Variants in SLC9A9 observed in about 807,000 individuals in gnomAD.
SLC9A9 encodes solute carrier family 9 member A9.
SLC9A9 carries 62 observed loss-of-function variants against 77.8 expected under a neutral mutation model. The observed-to-expected ratio is 0.80, with a 90% CI of 0.65 to 0.98. The LOEUF (loss-of-function observed/expected upper bound fraction) is 0.98, where lower values mean the gene tolerates loss of function less well. Ranked by LOEUF, SLC9A9 falls within the 50% of genes least tolerant of loss-of-function variation. SLC9A9 has a pLI of 0.00. For missense variants in SLC9A9, 775 were observed against 774.9 expected (o/e 1.00, Z 0.00); for synonymous variants, 320 against 283.5 (o/e 1.13, Z -1.29).
chr3:143,588,396 A>G (rs1027625793), intron 6 of SLC9A9, among the ~76,000 whole-genome samples: 4 of 152,306 alleles, frequency 2.6e-5, no homozygotes, highest in East Asian at 1.9e-4. Flanking sequence ...GAGGATGCAG[A>G]TGATTTAGGT....
intron 14 of SLC9A9, among the ~76,000 whole-genome samples, chr3:143,322,067 G>A (rs2031439725): frequency 6.6e-6 from 1 of 152,338 alleles, no homozygotes; most frequent in South Asian, 2.1e-4. Context: ...AGACAGTGGA[G>A]TCCTGACCTT....
intron 9 of SLC9A9, among the ~76,000 whole-genome samples, chr3:143,527,019 CTTATT>C: frequency 6.6e-6 from 1 of 152,262 alleles, no homozygotes; most frequent in East Asian, 1.9e-4. Flanking sequence ...GAGCTCTATT[CTTATT>C]TTAAAGTAAG....
chr3:143,832,665 G>A (rs2009466481), intron 1 of SLC9A9, among the ~76,000 whole-genome samples: 1 of 151,800 alleles, frequency 6.6e-6, no homozygotes, highest in Admixed American at 6.6e-5. Context: ...GTTGGGGTGA[G>A]AGGTGTTCTT....
At chr3:143,626,214 C>T (rs2038323723) in intron 6 of SLC9A9, among the ~76,000 whole-genome samples, 1 of 152,216 alleles carries the variant, frequency 6.6e-6, no homozygotes, top group Non-Finnish European at 1.5e-5. Context: ...GTGGCGATTC[C>T]TCAGGGATCT....
chr3:143,662,205 G>T (rs2108756802), intron 5 of SLC9A9, among the ~76,000 whole-genome samples: 1 of 152,320 alleles, frequency 6.6e-6, no homozygotes, highest in South Asian at 2.1e-4. Flanking sequence ...AGATACTGCA[G>T]CATAAACTAG....
intron 14 of SLC9A9, among the ~76,000 whole-genome samples, chr3:143,317,930 T>C (rs149665751): frequency 0.018 from 2,797 of 152,230 alleles, 26 homozygotes; most frequent in Middle Eastern, 0.058. Context: ...GGTTTCACCG[T>C]GTTAGCCAGG....
intron 10 of SLC9A9, among the ~76,000 whole-genome samples, chr3:143,494,388 T>A (rs2035799280): frequency 6.6e-6 from 1 of 152,260 alleles, no homozygotes; most frequent in Non-Finnish European, 1.5e-5. Context: ...CCTTCCCCGA[T>A]GGGCTATTCT....
intron 14 of SLC9A9, among the ~76,000 whole-genome samples, chr3:143,300,978 C>T (rs1013834893): frequency 2.0e-4 from 31 of 152,190 alleles, no homozygotes. Context: ...TTAACATCTG[C>T]ATTCAGGAAG....
chr3:143,476,045 C>G (rs545362426), intron 11 of SLC9A9, among the ~76,000 whole-genome samples: 48 of 120,098 alleles, frequency 4.0e-4, no homozygotes, highest in African/African-American at 1.2e-3. Flanking sequence ...AAATCAAACC[C>G]TGGTTTGGGT....
chr3:143,503,887 G>C, intron 9 of SLC9A9: 1 of 367,498 alleles, frequency 2.7e-6, no homozygotes, highest in Non-Finnish European at 5.3e-6. Context: ...TCATGAACAT[G>C]GGGGCATCAG....
At chr3:143,730,297 C>G (rs1268491630) in intron 4 of SLC9A9, among the ~76,000 whole-genome samples, 1 of 152,212 alleles carries the variant, frequency 6.6e-6, no homozygotes, top group African/African-American at 2.4e-5. Flanking sequence ...TCCTCAAACC[C>G]AACTTCTCCT....
At chr3:143,273,068 T>TTTG (rs1255285667) in intron 14 of SLC9A9, among the ~76,000 whole-genome samples, 1 of 152,262 alleles carries the variant, frequency 6.6e-6, no homozygotes, top group Non-Finnish European at 1.5e-5. Context: ...TGATTGATCT[T>TTTG]TTGTTGTTGT....
At chr3:143,773,892 C>T (rs758064535) in intron 4 of SLC9A9, among the ~76,000 whole-genome samples, 5 of 152,192 alleles carry the variant, frequency 3.3e-5, no homozygotes, top group Non-Finnish European at 5.9e-5. Flanking sequence ...AGGTTCATTG[C>T]ATCCCTGTCT....
At chr3:143,516,564 T>C (rs1448173000) in intron 9 of SLC9A9, among the ~76,000 whole-genome samples, 2 of 152,206 alleles carry the variant, frequency 1.3e-5, no homozygotes, top group Admixed American at 6.5e-5. Flanking sequence ...GCTTTTATCG[T>C]ATTTATTTTA....
At chr3:143,808,480 G>A (rs2008781995) in intron 2 of SLC9A9, among the ~76,000 whole-genome samples, 1 of 152,090 alleles carries the variant, frequency 6.6e-6, no homozygotes, top group South Asian at 2.1e-4. Flanking sequence ...TTGACTTTTG[G>A]TGTACAAAGC....
At chr3:143,498,812 T>C (rs1401552901) in intron 9 of SLC9A9, among the ~76,000 whole-genome samples, 1 of 152,162 alleles carries the variant, frequency 6.6e-6, no homozygotes, top group African/African-American at 2.4e-5. Flanking sequence ...TGAATGGAAT[T>C]GGACAATACA....
chr3:143,746,580 G>A (rs1172987465), intron 4 of SLC9A9, among the ~76,000 whole-genome samples: 1 of 152,110 alleles, frequency 6.6e-6, no homozygotes, highest in African/African-American at 2.4e-5. Context: ...TTAGAGTTTA[G>A]TTGAAAAGAT....
At chr3:143,310,449 C>T (rs2030974040) in intron 14 of SLC9A9, among the ~76,000 whole-genome samples, 1 of 149,260 alleles carries the variant, frequency 6.7e-6, no homozygotes, top group Middle Eastern at 3.4e-3. Context: ...GGTGTCAGAC[C>T]AACATGAGAG....
intron 11 of SLC9A9, among the ~76,000 whole-genome samples, chr3:143,474,163 A>G (rs1040949589): frequency 2.0e-5 from 3 of 152,174 alleles, no homozygotes; most frequent in African/African-American, 7.2e-5. Flanking sequence ...AGGCAGGCCA[A>G]TGCCTGGTGT....
Sources: allele counts gnomAD v4.1 joint callset (sites outside exome capture counted in the v4.1 genomes callset), GRCh38; gene constraint gnomAD v4.1.1; transcripts MANE v1.5; gene names NCBI Gene and HGNC (gene_info 2026-07-23, HGNC 2026-07-21).